PARP4: variants seen among roughly 807,000 people sequenced by gnomAD.
PARP4 encodes the protein poly(ADP-ribose) polymerase family member 4, also known as protein mono-ADP-ribosyltransferase PARP4.
In PARP4, 120 loss-of-function variants were observed where a neutral mutation model predicts 187.7. The ratio of observed to expected loss-of-function variants is 0.64; its 90% CI spans 0.55 to 0.74. The LOEUF (loss-of-function observed/expected upper bound fraction) is 0.74. Ranked by LOEUF, PARP4 falls within the 30% of genes least tolerant of loss-of-function variation. The pLI, the probability that PARP4 is intolerant of heterozygous loss-of-function variation, is 0.00. For missense variants in PARP4, 1,836 were observed against 2,070.5 expected, an observed-to-expected ratio of 0.89 and a Z score of 2.20; for synonymous variants, 654 against 740.9, an observed-to-expected ratio of 0.88 and a Z score of 1.90.
chr13:24,498,678 T>C (rs888045307), intron 5 of PARP4, among the ~76,000 whole-genome samples: 3 of 152,146 alleles, frequency 2.0e-5, no homozygotes, highest in African/African-American at 7.2e-5. Flanking sequence ...CCACCTGCCT[T>C]AGCCCCCTAA....
chr13:24,510,623 T>C (rs996948743), intron 1 of PARP4, among the ~76,000 whole-genome samples: 1 of 152,036 alleles, frequency 6.6e-6, no homozygotes, highest in African/African-American at 2.4e-5. Context: ...CATATATTTT[T>C]TTGCCACATC....
At chr13:24,438,973 C>T (rs1329908020) in intron 30 of PARP4, among the ~76,000 whole-genome samples, 13 of 149,472 alleles carry the variant, frequency 8.7e-5, no homozygotes, top group Admixed American at 6.7e-4. Flanking sequence ...TTACATGGTC[C>T]GTTCAAACAA....
At chr13:24,508,607 G>C (rs757965799) in intron 1 of PARP4, among the ~76,000 whole-genome samples, 1 of 152,094 alleles carries the variant, frequency 6.6e-6, no homozygotes, top group African/African-American at 2.4e-5. Context: ...TCCGCCTCCC[G>C]GGTTCAAACG....
chr13:24,434,308 C>T (rs536690117), intron 31 of PARP4, 87 bp downstream of exon 31: 29 of 1,261,560 alleles, frequency 2.3e-5, no homozygotes, highest in Middle Eastern at 2.8e-4. Flanking sequence ...TGATGATAGA[C>T]GGTTCCTTGA....
At chr13:24,469,148 G>A (rs936185491) in intron 16 of PARP4, 38 bp from the exon 17 acceptor site, 2 of 1,358,746 alleles carry the variant, frequency 1.5e-6, no homozygotes, top group South Asian at 1.2e-5. Flanking sequence ...CTTACATGAA[G>A]AGTGACTTCA....
At chr13:24,488,617 G>C (rs1306975651) in intron 10 of PARP4, among the ~76,000 whole-genome samples, 1 of 151,846 alleles carries the variant, frequency 6.6e-6, no homozygotes, top group Non-Finnish European at 1.5e-5. Context: ...GCCTCCCAAA[G>C]TGCTGGAATT....
chr13:24,452,453 G>A lies in PARP4; in HGVS notation c.2967C>T (p.Leu989=), dbSNP rs140281241. 2.8e-5 allele frequency: 45 copies of A among 1,613,886 alleles called. No individual in the cohort carries two copies. Among genetic ancestry groups the A allele is most frequent in the Admixed American group, 3.3e-5 (2 of 59,984 alleles). Residue 989 remains leucine (L), a synonymous_variant, in exon 24 of 34, where the codon CTC becomes CTT. Coordinates refer to ENST00000381989, the MANE Select transcript of PARP4 (RefSeq NM_006437.4). ...HLQDESLTLQ[L]VKRSRPHTRL... is the part of the protein sequence containing the mutation. The stretch of plus-strand genomic sequence containing the variant: ...TGGTGTGCGGGCGGCTCCTCTTCAC[G>A]AGCTGTAATGTCAGGCTCTCATCCT...
intron 2 of PARP4, 34 bp from the exon 3 acceptor site, chr13:24,501,868 A>G: frequency 8.5e-7 from 1 of 1,172,034 alleles, no homozygotes; most frequent in Non-Finnish European, 1.3e-6. Context: ...ATTATGCATC[A>G]AGAAAAACAA....
At chr13:24,511,364 T>C (rs143801366) in intron 1 of PARP4, among the ~76,000 whole-genome samples, 1 of 152,138 alleles carries the variant, frequency 6.6e-6, no homozygotes, top group East Asian at 1.9e-4. Flanking sequence ...TACGTACATA[T>C]GAGATGTGGC....
Position 24,431,455 on chromosome 13 carries a change from G to T in PARP4, c.4768C>A (p.Pro1590Thr). The change falls in exon 32 of 34, where the codon CCA becomes ACA. Residue 1590 changes from proline to threonine, a missense_variant. This residue lies in a region of PARP4 where 450 missense variants were observed against 439.2 expected (regional missense o/e 1.02). Transcript: ENST00000381989. ...AGATTTAATATAAGTCCCAGTTCTG[G>T]TGTAAGTTTCCAGAAGCCATCCTAC... ...QTEDGFWKLT[P>T]ELGLILNLNT... 6.3e-7 allele frequency: 1 copy of T among 1,589,734 alleles called. No homozygotes were observed.
chr13:24,504,959 T>C (rs953017604), intron 1 of PARP4, among the ~76,000 whole-genome samples: 3 of 151,406 alleles, frequency 2.0e-5, no homozygotes, highest in Admixed American at 6.6e-5. Context: ...CCTCCCAAAA[T>C]TGTGGGATTA....
At chr13:24,443,368 C>T (rs1427856295) in intron 28 of PARP4, among the ~76,000 whole-genome samples, 2 of 152,130 alleles carry the variant, frequency 1.3e-5, no homozygotes, top group African/African-American at 4.8e-5. Context: ...ACTACAGGCA[C>T]TCAGCGAGTG....
intron 1 of PARP4, among the ~76,000 whole-genome samples, chr13:24,505,139 G>GACACACACACAC (rs141835469): frequency 6.7e-6 from 1 of 150,022 alleles, no homozygotes; most frequent in Non-Finnish European, 1.5e-5. Context: ...GTTAAAGAAA[G>GACACACACACAC]ACACACACAC....
rs1050112 is a variant in PARP4, at chr13:24,435,159, G to T, written c.3982C>A (p.Pro1328Thr). ...ILAPAVGSYLPPTARAHSPAS... is the reference protein window; with the variant it reads ...ILAPAVGSYLTPTARAHSPAS... ...GGACTGTGAGCGCGGGCAGTCGGGG[G>T]AAGATAGGAACCAACGGCCGGAGCC... The change falls in exon 31 of 34, where the codon CCC becomes ACC. Residue 1328 changes from proline to threonine, a missense_variant. Physicochemically the swap from Pro to Thr is conservative, Grantham distance 38 (BLOSUM62 -1). Transcript: ENST00000381989. 0.37 allele frequency: 595,619 copies of T among 1,613,732 alleles called. 111,041 individuals carry two copies. Among genetic ancestry groups the T allele is most frequent in the African/African-American group, 0.46 (34,580 of 74,894 alleles).
At chr13:24,470,587 C>A (rs1036105062) in intron 15 of PARP4, among the ~76,000 whole-genome samples, 3 of 152,142 alleles carry the variant, frequency 2.0e-5, no homozygotes, top group Non-Finnish European at 4.4e-5. Flanking sequence ...GTTTTCATCA[C>A]TCCCTCACTC....
chr13:24,425,569 G>GTATCTATATC (rs1555231629), intron 33 of PARP4, among the ~76,000 whole-genome samples: 19 of 136,824 alleles, frequency 1.4e-4, no homozygotes, highest in Non-Finnish European at 2.3e-4. Flanking sequence ...GTGTGTGTGT[G>GTATCTATATC]TATATCTATA....
At chr13:24,468,553 T>C (rs147672903) in intron 17 of PARP4, among the ~76,000 whole-genome samples, 106 of 152,172 alleles carry the variant, frequency 7.0e-4, no homozygotes, top group African/African-American at 2.4e-3. Context: ...TACAGGTACC[T>C]GCCACCATGC....
In PARP4 at chr13:24,459,208, T is replaced by C. The variant is rs1315315729; in HGVS notation, c.2345+56A>G. 4 of 1,588,042 alleles carry C rather than the reference T, an allele frequency of 2.5e-6. No homozygotes were observed. In the African/African-American group the frequency reaches 5.4e-5, roughly 22 times the overall value. ...TTTCAAACAATTCTAAATGGAAATT[T>C]AAACCAGAAAACCAATATCCATTGA... On this transcript the variant is annotated intron_variant, in intron 19 of 33. Transcript: ENST00000381989.
intron 28 of PARP4, among the ~76,000 whole-genome samples, chr13:24,443,396 T>A (rs6490933): frequency 6.6e-6 from 1 of 151,914 alleles, no homozygotes; most frequent in Non-Finnish European, 1.5e-5. Context: ...AGCCCTCCTC[T>A]GGCTTCTTCT....
Sources: gnomAD v4.1 joint callset for allele counts (sites outside exome capture counted in the v4.1 genomes callset) on GRCh38, gnomAD v4.1.1 for gene constraint, gnomAD v4.1.1 regional missense constraint, MANE v1.5 for transcripts, NCBI Gene and HGNC (gene_info 2026-07-23, HGNC 2026-07-21) for gene names.